Variants in SMOX observed in about 807,000 individuals in gnomAD.
SMOX encodes flavin containing amine oxidase.
Under a neutral mutation model 51.0 loss-of-function variants are expected in SMOX, and 22 were observed. The observed-to-expected ratio is 0.43, with a 90% CI of 0.31 to 0.62. SMOX has a LOEUF of 0.62. Ranked by LOEUF, SMOX falls within the 20% of genes least tolerant of loss-of-function variation. The probability of loss-of-function intolerance (pLI) is 0.10; values close to 1 mark genes in which losing one functional copy is unlikely to be tolerated. For missense variants in SMOX, 566 were observed against 777.7 expected, an observed-to-expected ratio of 0.73 and a Z score of 3.24; for synonymous variants, 282 against 307.8, an observed-to-expected ratio of 0.92 and a Z score of 0.88.
Position 4,187,215 on chromosome 20 carries a change from G to A in SMOX, c.1531-55G>A. 6.4e-7 allele frequency: 1 copy of A among 1,564,358 alleles called. No homozygotes were observed. Among genetic ancestry groups the A allele is most frequent in the Non-Finnish European group, 8.7e-7 (1 of 1,151,064 alleles). On this transcript the variant is annotated intron_variant, in intron 6 of 6. Transcript: ENST00000305958. The surrounding 1 kb of genome is among the most constrained non-coding windows in gnomAD (Gnocchi z 4.8). The stretch of plus-strand genomic sequence containing the variant: ...TTCTGGTGGAGAGGGGTGGCCTTGT[G>A]GCCTTCTGGCCTTTGCTGCTCCTCC...
chr20:4,153,326 A>C lies in SMOX; in HGVS notation c.-27+4349A>C, dbSNP rs542261366. ...CGTCATCTGCCTGTAAAATGGGATT[A>C]GAGGGACTTTTTTTCTTTGCTCCCT... On this transcript the variant is annotated intron_variant, in intron 1 of 6. Coordinates refer to ENST00000305958, the MANE Select transcript of SMOX (RefSeq NM_175839.3). This position sits in a 1 kb window ranked among gnomAD's most constrained non-coding sequence, Gnocchi z 4.4. Among the ~76,000 whole-genome samples the C allele has an allele frequency of 3.3e-5, 5 of 151,974 alleles. No homozygotes were observed. Among genetic ancestry groups the C allele is most frequent in the Admixed American group, 2.0e-4 (3 of 15,290 alleles).
intron 6 of SMOX, among the ~76,000 whole-genome samples, chr20:4,184,148 G>A (rs985267472): frequency 4.0e-5 from 6 of 148,800 alleles, no homozygotes; most frequent in Admixed American, 4.0e-4. Flanking sequence ...ACCATGTCCA[G>A]CTAATTTTTG....
At position 4,181,595 on chromosome 20, in the gene SMOX, C is replaced by T. The variant is rs533830145; in HGVS notation, c.436-208C>T. Among the ~76,000 whole-genome samples the T allele has an allele frequency of 4.6e-5, 7 of 152,318 alleles. No homozygotes were observed. The highest frequency in any genetic ancestry group is 1.7e-4 in the African/African-American group (7 of 41,574). On this transcript the variant is annotated intron_variant, in intron 3 of 6. Transcript: ENST00000305958. This position sits in a 1 kb window ranked among gnomAD's most constrained non-coding sequence, Gnocchi z 5.6. ...AAACCTCCGGGGCTTATCCCACCTC[C>T]CCGACAGGCCGGAGGCGAGGAGGTG...
chr20:4,187,274 T>G lies in SMOX; in HGVS notation c.1535T>G (p.Met512Arg), dbSNP rs780837040. 1 of 1,613,800 alleles carries G rather than the reference T, an allele frequency of 6.2e-7. No homozygotes were observed. Residue 512 changes from methionine (M) to arginine (R), a missense_variant, in exon 7 of 7, where the codon ATG becomes AGG. Transcript: ENST00000305958. The surrounding 1 kb of genome is among the most constrained non-coding windows in gnomAD (Gnocchi z 4.8). ...PYTESSKTAP[M>R]QVLFSGEATH... is the part of the protein sequence containing the mutation. ...CTCCCCATCCCCGCCCCGCAGCCCA[T>G]GCAGGTGCTGTTTTCCGGTGAGGCC...
Position 4,182,177 on chromosome 20 carries a change from A to G in SMOX, c.698A>G (p.His233Arg). ...GEWTEIPGAH[H>R]IIPSGFMRVV... ...TGGACCGAGATCCCCGGCGCTCACC[A>G]CATCATCCCCTCGGGCTTCATGCGG... The change falls in exon 5 of 7, where the codon CAC becomes CGC. Residue 233 changes from histidine (H) to arginine (R), a missense_variant. By Grantham distance (29) the His-to-Arg change is conservative. Around this residue, in one of 3 missense-constraint regions of SMOX, gnomAD observed 347 missense variants for 481.8 expected, o/e 0.72. Transcript: ENST00000305958. The surrounding 1 kb of genome is among the most constrained non-coding windows in gnomAD (Gnocchi z 8.4). The G allele has an allele frequency of 6.2e-7, 1 of 1,613,500 alleles. No homozygotes were observed.
At chr20:4,155,198 A>G (rs1435534603) in intron 1 of SMOX, among the ~76,000 whole-genome samples, 1 of 152,060 alleles carries the variant, frequency 6.6e-6, no homozygotes, top group Non-Finnish European at 1.5e-5. Flanking sequence ...GAAACAGCTG[A>G]TCCGGCCCTC....
At chr20:4,154,335 A>T (rs1985900129) in intron 1 of SMOX, among the ~76,000 whole-genome samples, 1 of 152,076 alleles carries the variant, frequency 6.6e-6, no homozygotes, top group Non-Finnish European at 1.5e-5. Context: ...TGTCTGATTC[A>T]CCAGGTCTGG....
chr20:4,154,907 G>A (rs1266014458), intron 1 of SMOX, among the ~76,000 whole-genome samples: 1 of 152,050 alleles, frequency 6.6e-6, no homozygotes, highest in Non-Finnish European at 1.5e-5. Flanking sequence ...TGTAGAAGAT[G>A]TGAGATGCAG....
chr20:4,179,011 T>C (rs1332451605), intron 3 of SMOX, among the ~76,000 whole-genome samples: 1 of 152,184 alleles, frequency 6.6e-6, no homozygotes, highest in Non-Finnish European at 1.5e-5. Context: ...CTCTTGGGCA[T>C]GAGAAAGGAG....
rs1314783212 is a variant in SMOX, at chr20:4,170,708, C to T, written c.-26-4322C>T. 3.3e-5 allele frequency among the ~76,000 whole-genome samples: 5 copies of T among 152,182 alleles called. No individual in the cohort carries two copies. The highest frequency in any genetic ancestry group is 2.6e-4 in the Admixed American group (4 of 15,282). On this transcript the variant is annotated intron_variant, in intron 1 of 6. Coordinates refer to ENST00000305958, the MANE Select transcript of SMOX (RefSeq NM_175839.3). The surrounding 1 kb of genome is among the most constrained non-coding windows in gnomAD (Gnocchi z 4.6). ...TATTCATCCGTCTTTGGCAACCCTG[C>T]CACAGGACGGGGTTTTTCCTCCCTC...
chr20:4,165,547 C>T (rs1012487951), intron 1 of SMOX, among the ~76,000 whole-genome samples: 2 of 152,110 alleles, frequency 1.3e-5, no homozygotes, highest in Admixed American at 6.5e-5. Context: ...GAGGGGAATT[C>T]AGAGTTGGGA....
At chr20:4,186,922 C>T in intron 6 of SMOX, 2 of 711,146 alleles carry the variant, frequency 2.8e-6, no homozygotes, top group Non-Finnish European at 5.2e-6. Flanking sequence ...ATCCTTACAA[C>T]CACCCTCCGA....
chr20:4,161,714 G>A (rs773234436), intron 1 of SMOX, among the ~76,000 whole-genome samples: 3 of 152,142 alleles, frequency 2.0e-5, no homozygotes, highest in Admixed American at 6.5e-5. Context: ...CTGTCTCCCC[G>A]CCCTGCTTTT....
Position 4,175,081 on chromosome 20 carries a change from A to T in SMOX, c.26A>T (p.Asp9Val). Residue 9 changes from aspartate to valine, a missense_variant, in exon 2 of 7, where the codon GAC (aspartate) becomes GTC (valine). Asp to Val is a radical substitution (Grantham distance 152). Coordinates refer to ENST00000305958, the MANE Select transcript of SMOX (RefSeq NM_175839.3). MQSCESSG[D>V]SADDPLSRGL... The stretch of plus-strand genomic sequence containing the variant: ...ATGCAAAGTTGTGAATCCAGTGGTG[A>T]CAGTGCGGATGACCCTCTCAGTCGC... 1 of 1,614,230 alleles carries T rather than the reference A, an allele frequency of 6.2e-7. No individual in the cohort carries two copies. Among genetic ancestry groups the T allele is most frequent in the Non-Finnish European group, 8.5e-7 (1 of 1,180,052 alleles).
At chr20:4,152,669 G>A (rs553162265) in intron 1 of SMOX, among the ~76,000 whole-genome samples, 42 of 152,118 alleles carry the variant, frequency 2.8e-4, no homozygotes, top group Non-Finnish European at 4.9e-4. Context: ...ATCAAGCAGA[G>A]GCCAAGAGGC....
intron 1 of SMOX, among the ~76,000 whole-genome samples, chr20:4,157,728 T>A (rs1986081131): frequency 6.6e-6 from 1 of 151,886 alleles, no homozygotes; most frequent in Admixed American, 6.6e-5. Context: ...GCTGTGCCCC[T>A]TCATGGACAT....
chr20:4,174,620 T>C (rs927059327), intron 1 of SMOX, among the ~76,000 whole-genome samples: 5 of 152,098 alleles, frequency 3.3e-5, no homozygotes, highest in African/African-American at 1.2e-4. Context: ...TTCTTGGTCA[T>C]CTCCTCACTG....
chr20:4,174,928 C>A, intron 1 of SMOX, 102 bp from the exon 2 acceptor site: 1 of 1,228,048 alleles, frequency 8.1e-7, no homozygotes, highest in Non-Finnish European at 1.2e-6. Context: ...GTCCCCCCAC[C>A]CACAACAGAG....
rs1014534074 is a variant in SMOX, at chr20:4,183,517, C to T, written c.1393C>T (p.Arg465Trp). 5.6e-6 allele frequency: 9 copies of T among 1,614,092 alleles called. No homozygotes were observed. Among genetic ancestry groups the T allele is most frequent in the African/African-American group, 1.3e-5 (1 of 74,938 alleles). The change falls in exon 6 of 7, where the codon CGG becomes TGG. Residue 465 changes from arginine (R) to tryptophan (W), a missense_variant. Around this residue, in one of 3 missense-constraint regions of SMOX, gnomAD observed 347 missense variants for 481.8 expected, o/e 0.72. Coordinates refer to ENST00000305958, the MANE Select transcript of SMOX (RefSeq NM_175839.3). The surrounding 1 kb of genome is among the most constrained non-coding windows in gnomAD (Gnocchi z 4.3). Reference protein sequence around the residue: ...FTGNPNIPKPRRILRSAWGSN... With the variant: ...FTGNPNIPKPWRILRSAWGSN... Reference sequence around the variant, plus strand: ...AGGGAACCCCAACATTCCAAAACCTCGGCGAATCTTGCGCTCGGCCTGGGG... The same window carrying T: ...AGGGAACCCCAACATTCCAAAACCTTGGCGAATCTTGCGCTCGGCCTGGGG...
Sources: gnomAD v4.1 joint callset for allele counts (sites outside exome capture counted in the v4.1 genomes callset) on GRCh38, gnomAD v4.1.1 for gene constraint, gnomAD v4.1.1 regional missense constraint, Gnocchi (gnomAD v3.1) non-coding constraint, MANE v1.5 for transcripts, NCBI Gene and HGNC (gene_info 2026-07-23, HGNC 2026-07-21) for gene names.